ASIC2: variants seen among roughly 807,000 people sequenced by gnomAD.
The protein encoded by ASIC2 is acid-sensing ion channel 2.
ASIC2 carries 25 observed loss-of-function variants against 57.3 expected under a neutral mutation model. The observed-to-expected ratio is 0.44, with a 90% CI of 0.32 to 0.61. The LOEUF is 0.61. Ranked by LOEUF, ASIC2 falls within the 20% of genes least tolerant of loss-of-function variation. The pLI, the probability that ASIC2 is intolerant of heterozygous loss-of-function variation, is 0.06. For synonymous variants in ASIC2, 319 were observed against 307.5 expected (o/e 1.04, Z -0.39); for missense variants, 641 against 738.1 (o/e 0.87, Z 1.52).
intron 1 of ASIC2, among the ~76,000 whole-genome samples, chr17:33,464,017 A>AT (rs5820043): frequency 0.24 from 36,726 of 152,078 alleles, 4,514 homozygotes; most frequent in African/African-American, 0.27. Context: ...TCACAAAACA[A>AT]TCCAGTTTTG....
At position 33,019,338 on chromosome 17, in the gene ASIC2, G is replaced by C. The variant is rs148903799; in HGVS notation, c.1442-1654C>G. On this transcript the variant is annotated intron_variant, in intron 7 of 9. Coordinates refer to ENST00000225823, the MANE Select transcript of ASIC2 (RefSeq NM_183377.2). ...TCTGTGGAGGTGAGCAGAGTGTGTCGAGCGTGTGTAGTGTGGGTGTGCTTG... is the reference window on the plus strand; with the variant it reads ...TCTGTGGAGGTGAGCAGAGTGTGTCCAGCGTGTGTAGTGTGGGTGTGCTTG... 2.9e-3 allele frequency among the ~76,000 whole-genome samples: 447 copies of C among 151,954 alleles called. 1 individual carries two copies. Among genetic ancestry groups the C allele is most frequent in the African/African-American group, 9.8e-3 (406 of 41,448 alleles).
chr17:33,599,227 G>A (rs1005851579), intron 1 of ASIC2, among the ~76,000 whole-genome samples: 8 of 152,200 alleles, frequency 5.3e-5, no homozygotes, highest in South Asian at 2.1e-4. Flanking sequence ...ACAACTAGAG[G>A]AAGCTGTGCT....
chr17:33,697,819 C>G (rs1477554902), intron 1 of ASIC2, among the ~76,000 whole-genome samples: 1 of 152,164 alleles, frequency 6.6e-6, no homozygotes, highest in Non-Finnish European at 1.5e-5. Context: ...TATGATATAG[C>G]AATACCATGA....
At chr17:33,690,510 G>A (rs542379064) in intron 1 of ASIC2, among the ~76,000 whole-genome samples, 73 of 152,214 alleles carry the variant, frequency 4.8e-4, no homozygotes, top group African/African-American at 1.7e-3. Flanking sequence ...AAGAGAGAAA[G>A]TTCCAATATG....
intron 1 of ASIC2, among the ~76,000 whole-genome samples, chr17:33,345,736 A>G (rs1263080178): frequency 2.6e-5 from 4 of 152,228 alleles, no homozygotes; most frequent in African/African-American, 9.6e-5. Flanking sequence ...GATTCTGGAT[A>G]TGGTTCCAAG....
At chr17:33,014,964 G>T (rs2091798241) in intron 9 of ASIC2, among the ~76,000 whole-genome samples, 1 of 152,164 alleles carries the variant, frequency 6.6e-6, no homozygotes, top group Admixed American at 6.5e-5. Flanking sequence ...CTTGCCCCCA[G>T]GCACACAGCC....
intron 1 of ASIC2, among the ~76,000 whole-genome samples, chr17:33,505,614 G>T (rs1188026396): frequency 3.9e-5 from 6 of 152,212 alleles, no homozygotes. Context: ...ATATTGCAAA[G>T]ACCCTCTGTG....
At chr17:33,551,185 T>C (rs1409925022) in intron 1 of ASIC2, among the ~76,000 whole-genome samples, 2 of 152,232 alleles carry the variant, frequency 1.3e-5, no homozygotes, top group East Asian at 3.8e-4. Flanking sequence ...TTTTCGGTGC[T>C]TTTTCGATGA....
At chr17:34,098,513 T>A (rs977581187) in intron 1 of ASIC2, among the ~76,000 whole-genome samples, 1 of 152,156 alleles carries the variant, frequency 6.6e-6, no homozygotes, top group Admixed American at 6.5e-5. Context: ...TGAGGGCGAA[T>A]GTGCTCAGGG....
At chr17:33,410,118 C>T (rs1182896805) in intron 1 of ASIC2, among the ~76,000 whole-genome samples, 1 of 152,152 alleles carries the variant, frequency 6.6e-6, no homozygotes, top group Non-Finnish European at 1.5e-5. Flanking sequence ...TATGTTGTAG[C>T]CACCTGAGAC....
intron 1 of ASIC2, among the ~76,000 whole-genome samples, chr17:33,418,169 A>G (rs1417830684): frequency 6.6e-6 from 1 of 151,702 alleles, no homozygotes; most frequent in East Asian, 1.9e-4. Flanking sequence ...CATCTTTGGG[A>G]ATAACTTCCT....
intron 1 of ASIC2, among the ~76,000 whole-genome samples, chr17:33,603,699 T>C (rs1232502291): frequency 6.6e-6 from 1 of 152,210 alleles, no homozygotes; most frequent in Admixed American, 6.5e-5. Flanking sequence ...GACCCATCTA[T>C]ATGAGTTACA....
At chr17:33,062,751 G>T (rs1032338284) in intron 3 of ASIC2, among the ~76,000 whole-genome samples, 9 of 152,152 alleles carry the variant, frequency 5.9e-5, no homozygotes, top group Admixed American at 2.0e-4. Context: ...TGTCTAATGT[G>T]GACAGTGGGG....
chr17:33,493,929 G>A (rs1463704904), intron 1 of ASIC2, among the ~76,000 whole-genome samples: 3 of 152,196 alleles, frequency 2.0e-5, no homozygotes, highest in Non-Finnish European at 4.4e-5. Context: ...GGCTCCCACT[G>A]ACTACCCTCT....
At chr17:33,971,270 T>C (rs570756900) in intron 1 of ASIC2, among the ~76,000 whole-genome samples, 6 of 152,266 alleles carry the variant, frequency 3.9e-5, no homozygotes, top group African/African-American at 1.2e-4. Context: ...GTAGCCTACC[T>C]GGTCAAAACA....
At chr17:33,211,618 T>C (rs142072713) in intron 1 of ASIC2, among the ~76,000 whole-genome samples, 2 of 151,982 alleles carry the variant, frequency 1.3e-5, no homozygotes, top group Non-Finnish European at 2.9e-5. Context: ...GGCAGCCCCG[T>C]TCATCTATTC....
intron 1 of ASIC2, among the ~76,000 whole-genome samples, chr17:33,738,186 C>T (rs1909984078): frequency 6.6e-6 from 1 of 152,126 alleles, no homozygotes; most frequent in African/African-American, 2.4e-5. Flanking sequence ...ATTGAGAGAA[C>T]ATCTGGTCCA....
intron 3 of ASIC2, among the ~76,000 whole-genome samples, chr17:33,085,562 C>T (rs755952734): frequency 3.9e-5 from 6 of 152,234 alleles, no homozygotes; most frequent in Non-Finnish European, 8.8e-5. Context: ...CGCTAATCTA[C>T]AGGCTCTGTG....
chr17:33,099,990 T>C (rs190299346), intron 2 of ASIC2: 3 of 152,180 alleles, frequency 2.0e-5, no homozygotes, highest in Non-Finnish European at 4.4e-5. Context: ...CTGAGAAATA[T>C]TTTGATGTTA....
Sources: allele counts gnomAD v4.1 joint callset (sites outside exome capture counted in the v4.1 genomes callset), GRCh38; gene constraint gnomAD v4.1.1; transcripts MANE v1.5; gene names NCBI Gene and HGNC (gene_info 2026-07-23, HGNC 2026-07-21).